The following CNTN5 variants were observed in gnomAD, a reference collection of about 807,000 sequenced individuals.
CNTN5 encodes the protein contactin-5.
Under a neutral mutation model 129.1 loss-of-function variants are expected in CNTN5, and 77 were observed. The observed-to-expected ratio is 0.60, with a 90% CI of 0.50 to 0.72. The LOEUF (loss-of-function observed/expected upper bound fraction) is 0.72. Among genes scored for constraint, CNTN5 ranks in the 30% least tolerant of loss-of-function variants. The pLI is 0.00. For missense variants in CNTN5, 1,478 were observed against 1,328.8 expected (o/e 1.11, Z -1.75); for synonymous variants, 509 against 465.6 (o/e 1.09, Z -1.20).
intron 6 of CNTN5, among the ~76,000 whole-genome samples, chr11:99,912,950 A>G (rs142770975): frequency 6.6e-4 from 101 of 152,030 alleles, no homozygotes; most frequent in African/African-American, 2.4e-3. Flanking sequence ...ACTCCCTTTT[A>G]TTCCTGTAAA....
chr11:100,080,579 A>AGG (rs1160369120), intron 13 of CNTN5, among the ~76,000 whole-genome samples: 6 of 152,150 alleles, frequency 3.9e-5, no homozygotes, highest in African/African-American at 1.4e-4. Context: ...GAAGAAAGCA[A>AGG]GGTCTTCTTA....
At chr11:100,037,008 G>T (rs1942055976) in intron 9 of CNTN5, among the ~76,000 whole-genome samples, 1 of 151,810 alleles carries the variant, frequency 6.6e-6, no homozygotes, top group Non-Finnish European at 1.5e-5. Flanking sequence ...ACACTATGTT[G>T]AATAGGAGTG....
intron 1 of CNTN5, among the ~76,000 whole-genome samples, chr11:99,313,800 T>A (rs1195621523): frequency 6.6e-6 from 1 of 152,110 alleles, no homozygotes; most frequent in Non-Finnish European, 1.5e-5. Flanking sequence ...ATTCTAATGA[T>A]TTGCAGCTGC....
intron 4 of CNTN5, among the ~76,000 whole-genome samples, chr11:99,820,596 G>A (rs1296209494): frequency 2.0e-4 from 3 of 15,068 alleles, no homozygotes; most frequent in Non-Finnish European, 4.4e-4. Flanking sequence ...AGGATGAACG[G>A]CACCTGTTAT....
In CNTN5 at chr11:100,017,024, G is replaced by A. The variant is rs1350341521; in HGVS notation, c.980+14888G>A. On this transcript the variant is annotated intron_variant, in intron 9 of 24. Transcript: ENST00000524871. ...AACATATGTCTGCTGCTGCTTTATGGTACCAAAGCTAAATGATAAGTACTT... is the reference window on the plus strand; with the variant it reads ...AACATATGTCTGCTGCTGCTTTATGATACCAAAGCTAAATGATAAGTACTT... Among the ~76,000 whole-genome samples the A allele has an allele frequency of 2.0e-5, 3 of 151,768 alleles. No homozygotes were observed. In the South Asian group the frequency reaches 6.2e-4, roughly 32 times the overall value.
chr11:99,397,222 G>T (rs1941571579), intron 2 of CNTN5, among the ~76,000 whole-genome samples: 2 of 151,740 alleles, frequency 1.3e-5, no homozygotes, highest in Admixed American at 1.3e-4. Context: ...GTAAGAGTAA[G>T]GGTTACAGAT....
chr11:99,796,553 C>T (rs183748135), intron 3 of CNTN5, among the ~76,000 whole-genome samples: 2 of 151,658 alleles, frequency 1.3e-5, no homozygotes, highest in East Asian at 1.9e-4. Flanking sequence ...AGCTATGATA[C>T]GGGCCCCCAG....
chr11:99,979,721 G>A (rs1430812850), intron 8 of CNTN5, among the ~76,000 whole-genome samples: 1 of 152,130 alleles, frequency 6.6e-6, no homozygotes, highest in African/African-American at 2.4e-5. Context: ...TGTATTTTGT[G>A]TGTTAAATAG....
Position 99,314,724 on chromosome 11 carries a change from G to A in CNTN5, c.-209-10622G>A, listed in dbSNP as rs565036801. ...GTAGGGAAAGGAGAAAGGGAGAGGG[G>A]AATAAGGAAAGGAAGAGAGGGGAGG... On this transcript the variant is annotated intron_variant, in intron 1 of 24. Transcript: ENST00000524871. Among the ~76,000 whole-genome samples, 9 of 150,336 alleles carry A rather than the reference G, an allele frequency of 6.0e-5. No individual in the cohort carries two copies. In the East Asian group the frequency reaches 1.4e-3, roughly 23 times the overall value.
At chr11:100,213,422 A>C (rs1242192150) in intron 15 of CNTN5, among the ~76,000 whole-genome samples, 4 of 152,200 alleles carry the variant, frequency 2.6e-5, no homozygotes, top group Non-Finnish European at 5.9e-5. Flanking sequence ...GTTAGAGAAC[A>C]ATGAGCAGTA....
chr11:99,312,491 G>A lies in CNTN5; in HGVS notation c.-209-12855G>A, dbSNP rs562233847. ...CTGCAAGAAATACAATTTTTTCTCC[G>A]AATGGTAGTTAATTGTTTCTGCTAT... On this transcript the variant is annotated intron_variant, in intron 1 of 24. Transcript: ENST00000524871. Among the ~76,000 whole-genome samples, 17 of 152,106 alleles carry A rather than the reference G, an allele frequency of 1.1e-4. No homozygotes were observed. In the South Asian group the frequency reaches 1.7e-3, roughly 15 times the overall value.
chr11:99,522,977 A>T (rs1441778750), intron 2 of CNTN5, among the ~76,000 whole-genome samples: 1 of 152,184 alleles, frequency 6.6e-6, no homozygotes, highest in Non-Finnish European at 1.5e-5. Context: ...AATTCCAAAA[A>T]AGTCCAAGAT....
intron 1 of CNTN5, among the ~76,000 whole-genome samples, chr11:99,088,687 G>T (rs1384500185): frequency 6.6e-6 from 1 of 152,072 alleles, no homozygotes; most frequent in Non-Finnish European, 1.5e-5. Context: ...ATAGCAACTC[G>T]GAGCAATCTA....
At chr11:100,015,293 A>G (rs545968446) in intron 9 of CNTN5, among the ~76,000 whole-genome samples, 26 of 152,290 alleles carry the variant, frequency 1.7e-4, no homozygotes, top group Admixed American at 7.2e-4. Flanking sequence ...TTATGCAGTA[A>G]TATCTGTGCT....
chr11:99,170,031 T>C (rs1861068260), intron 1 of CNTN5, among the ~76,000 whole-genome samples: 1 of 152,190 alleles, frequency 6.6e-6, no homozygotes, highest in Non-Finnish European at 1.5e-5. Flanking sequence ...CAGATGGTAA[T>C]CACTAATATT....
At chr11:100,240,026 G>C (rs904373125) in intron 16 of CNTN5, among the ~76,000 whole-genome samples, 3 of 152,158 alleles carry the variant, frequency 2.0e-5, no homozygotes, top group Non-Finnish European at 4.4e-5. Context: ...CTGTTGCAAA[G>C]ATGTTTTATC....
intron 3 of CNTN5, among the ~76,000 whole-genome samples, chr11:99,691,968 T>C (rs144789554): frequency 0.015 from 2,334 of 152,270 alleles, 60 homozygotes; most frequent in African/African-American, 0.053. Flanking sequence ...TTAGTTCTTG[T>C]TGAATTGAAC....
At chr11:99,222,335 A>G (rs1860439257) in intron 1 of CNTN5, among the ~76,000 whole-genome samples, 1 of 151,808 alleles carries the variant, frequency 6.6e-6, no homozygotes, top group Non-Finnish European at 1.5e-5. Context: ...AGGAAGGATA[A>G]AGGAAGGAAG....
chr11:99,242,034 A>G (rs1029006665), intron 1 of CNTN5, among the ~76,000 whole-genome samples: 6 of 152,172 alleles, frequency 3.9e-5, no homozygotes, highest in Non-Finnish European at 5.9e-5. Context: ...AACCACAAAA[A>G]ATTTAATTAT....
Sources: allele counts gnomAD v4.1 joint callset (sites outside exome capture counted in the v4.1 genomes callset), GRCh38; gene constraint gnomAD v4.1.1; transcripts MANE v1.5; gene names NCBI Gene and HGNC (gene_info 2026-07-23, HGNC 2026-07-21).